LOC400499: variants seen among roughly 807,000 people sequenced by gnomAD.
At chr16:11,523,507 G>A in the LOC400499 span, 2 of 398,438 alleles carry the variant, frequency 5.0e-6, no homozygotes, top group African/African-American at 2.1e-5. Context: ...CCAGGGTGAG[G>A]CCAGAAAGAG....
the LOC400499 span, among the ~76,000 whole-genome samples, chr16:11,431,872 T>C: frequency 6.6e-6 from 1 of 152,250 alleles, no homozygotes; most frequent in South Asian, 2.1e-4. Context: ...ACTGGCCTTG[T>C]GACCTACGTT....
the LOC400499 span, among the ~76,000 whole-genome samples, chr16:11,522,547 G>C: frequency 5.3e-5 from 8 of 152,176 alleles, no homozygotes; most frequent in Admixed American, 4.6e-4. Context: ...CCCCAGGGGA[G>C]GGAGGGCCAC....
the LOC400499 span, among the ~76,000 whole-genome samples, chr16:11,463,725 A>T: frequency 6.6e-6 from 1 of 151,910 alleles, no homozygotes; most frequent in African/African-American, 2.4e-5. Flanking sequence ...GTGTGTGGAT[A>T]TATGTACAGA....
chr16:11,394,945 C>T, the LOC400499 span, among the ~76,000 whole-genome samples: 4 of 152,232 alleles, frequency 2.6e-5, no homozygotes, highest in African/African-American at 7.2e-5. Context: ...CAATTTAATA[C>T]AGTAGTCCTA....
At chr16:11,455,494 G>A in the LOC400499 span, among the ~76,000 whole-genome samples, 40,152 of 151,946 alleles carry the variant, frequency 0.26, 5,611 homozygotes, top group Admixed American at 0.41. Context: ...CAGCACTTTG[G>A]GAGGCCAAAG....
the LOC400499 span, among the ~76,000 whole-genome samples, chr16:11,416,589 G>T: frequency 1.3e-5 from 2 of 152,276 alleles, no homozygotes; most frequent in South Asian, 4.1e-4. Context: ...GGTGATTCTA[G>T]CATAGAAAAA....
At chr16:11,503,977 C>T in the LOC400499 span, among the ~76,000 whole-genome samples, 1 of 152,224 alleles carries the variant, frequency 6.6e-6, no homozygotes. Context: ...TGGCTGGTGG[C>T]TGCCTTTCCC....
the LOC400499 span, among the ~76,000 whole-genome samples, chr16:11,490,782 G>A: frequency 7.9e-5 from 12 of 152,304 alleles, no homozygotes; most frequent in African/African-American, 2.6e-4. Context: ...AAGGAGATAC[G>A]TGTGTATGTT....
the LOC400499 span, chr16:11,387,254 C>T: frequency 1.6e-6 from 2 of 1,232,282 alleles, no homozygotes; most frequent in East Asian, 3.2e-5. Context: ...GGGCTCGTCC[C>T]CCGCAGGCAA....
chr16:11,498,755 T>A, the LOC400499 span, among the ~76,000 whole-genome samples: 1 of 151,742 alleles, frequency 6.6e-6, no homozygotes, highest in Non-Finnish European at 1.5e-5. Context: ...AGAGGAAGCT[T>A]CTGGGCTCCA....
At chr16:11,411,315 C>A in the LOC400499 span, 1 of 399,394 alleles carries the variant, frequency 2.5e-6, no homozygotes, top group African/African-American at 2.1e-5. Context: ...GGCCTGAGAA[C>A]AGCAGCTCTT....
At chr16:11,502,221 G>T in the LOC400499 span, 1 of 398,816 alleles carries the variant, frequency 2.5e-6, no homozygotes, top group Non-Finnish European at 4.4e-6. Context: ...CCAGCAGTGC[G>T]GGGGATCCCC....
chr16:11,388,230 C>G, the LOC400499 span, among the ~76,000 whole-genome samples: 1 of 152,136 alleles, frequency 6.6e-6, no homozygotes, highest in African/African-American at 2.4e-5. Flanking sequence ...TGACAGGATC[C>G]CACTCACCAG....
the LOC400499 span, among the ~76,000 whole-genome samples, chr16:11,381,524 A>G: frequency 6.6e-6 from 1 of 152,228 alleles, no homozygotes; most frequent in Non-Finnish European, 1.5e-5. Context: ...TCTTCTTAAT[A>G]GAGTCTTTCA....
At chr16:11,516,576 A>T in the LOC400499 span, among the ~76,000 whole-genome samples, 2,078 of 152,270 alleles carry the variant, frequency 0.014, 28 homozygotes, top group Non-Finnish European at 0.021. Flanking sequence ...AAAGGCTGAG[A>T]CCCCAAGAGC....
chr16:11,460,090 G>A, the LOC400499 span: 1 of 1,310,966 alleles, frequency 7.6e-7, no homozygotes, highest in Non-Finnish European at 9.7e-7. Flanking sequence ...GCCCATGGAG[G>A]CCCTGCCCAC....
At chr16:11,448,332 G>C in the LOC400499 span, among the ~76,000 whole-genome samples, 1 of 152,194 alleles carries the variant, frequency 6.6e-6, no homozygotes, top group Non-Finnish European at 1.5e-5. Context: ...AGGAAGCCAA[G>C]TTTTGCTCCT....
chr16:11,411,083 GA>G, the LOC400499 span, among the ~76,000 whole-genome samples: 11 of 152,348 alleles, frequency 7.2e-5, no homozygotes, highest in South Asian at 1.0e-3. Context: ...GTATGTTTGG[GA>G]AAGCTGGAGC....
At chr16:11,470,641 A>G in the LOC400499 span, 1 of 152,260 alleles carries the variant, frequency 6.6e-6, no homozygotes, top group Non-Finnish European at 1.5e-5. Flanking sequence ...GTGGAAGATG[A>G]CTGAGCATGA....
Sources: gnomAD v4.1 joint callset for allele counts (sites outside exome capture counted in the v4.1 genomes callset) on GRCh38, gnomAD v4.1.1 for gene constraint, MANE v1.5 for transcripts.